INPP4B: variants seen among roughly 807,000 people sequenced by gnomAD.
INPP4B encodes the protein inositol polyphosphate 4-phosphatase type II.
In INPP4B, 55 loss-of-function variants were observed where a neutral mutation model predicts 122.5. The observed-to-expected ratio is 0.45, with a 90% CI of 0.36 to 0.56. The LOEUF (loss-of-function observed/expected upper bound fraction) is 0.56, where lower values mean the gene tolerates loss of function less well. Among genes scored for constraint, INPP4B ranks in the 20% least tolerant of loss-of-function variants. The pLI, the probability that INPP4B is intolerant of heterozygous loss-of-function variation, is 0.00. For synonymous variants in INPP4B, 403 were observed against 388.7 expected, an observed-to-expected ratio of 1.04 and a Z score of -0.43; for missense variants, 1,000 against 1,097.7, an observed-to-expected ratio of 0.91 and a Z score of 1.26.
At chr4:142,105,905 T>C (rs1259348859) in intron 23 of INPP4B, among the ~76,000 whole-genome samples, 1 of 152,208 alleles carries the variant, frequency 6.6e-6, no homozygotes, top group African/African-American at 2.4e-5. Context: ...GCCTAACCTC[T>C]ACTCATACTC....
intron 5 of INPP4B, among the ~76,000 whole-genome samples, chr4:142,412,583 CACT>C (rs1273150086): frequency 6.6e-6 from 1 of 152,198 alleles, no homozygotes. Context: ...ATACTCTCTT[CACT>C]ACTATCTGTT....
chr4:142,106,255 T>C (rs1787041598), intron 23 of INPP4B, among the ~76,000 whole-genome samples: 1 of 152,230 alleles, frequency 6.6e-6, no homozygotes, highest in Non-Finnish European at 1.5e-5. Flanking sequence ...TTATATTTAA[T>C]TGGCAATATA....
intron 17 of INPP4B, among the ~76,000 whole-genome samples, chr4:142,149,904 G>A (rs1812877410): frequency 6.6e-6 from 1 of 152,184 alleles, no homozygotes. Context: ...AGATAACAAG[G>A]AGGAAAGATG....
chr4:142,705,880 A>G (rs1762414007), intron 2 of INPP4B, among the ~76,000 whole-genome samples: 1 of 152,226 alleles, frequency 6.6e-6, no homozygotes, highest in South Asian at 2.1e-4. Context: ...ACTCCTTGGT[A>G]TCTATTCTCC....
At chr4:142,542,467 C>G (rs1829048695) in intron 2 of INPP4B, among the ~76,000 whole-genome samples, 1 of 152,130 alleles carries the variant, frequency 6.6e-6, no homozygotes, top group Non-Finnish European at 1.5e-5. Flanking sequence ...TTGAGAAAAA[C>G]TAGCAAATTT....
chr4:142,052,808 A>G (rs1755399064), intron 25 of INPP4B, among the ~76,000 whole-genome samples: 1 of 152,052 alleles, frequency 6.6e-6, no homozygotes, highest in African/African-American at 2.4e-5. Context: ...CAATTGGCCT[A>G]GGTACTCTCT....
rs1158369728 is a variant in INPP4B at position 142,188,498 on chromosome 4, AAAAAAAAAAAAAG to A, written c.1181+4576_1181+4588del. On this transcript the variant is annotated intron_variant, in intron 15 of 25. Transcript: ENST00000262992. ...TGAGACTCCATCTCAAAAAAAAAAAAAAAAAAAAAAAAGAAAAAAAATATATATAGCTTGACTT... is the reference window on the plus strand; with the variant it reads ...TGAGACTCCATCTCAAAAAAAAAAAAAAAAAAAATATATATAGCTTGACTT... Among the ~76,000 whole-genome samples the A allele has an allele frequency of 1.5e-4, 18 of 117,440 alleles. No homozygotes were observed. In the South Asian group the frequency reaches 1.7e-3, roughly 11 times the overall value. The allele number at this position is 117,440 out of a possible 152,430, so 77.0% of individuals were successfully genotyped here. A position where few individuals can be genotyped will look rare whatever the true frequency, so the allele number is the denominator to read the frequency against.
chr4:142,487,602 C>A (rs1315657698), intron 2 of INPP4B, among the ~76,000 whole-genome samples: 1 of 151,986 alleles, frequency 6.6e-6, no homozygotes, highest in African/African-American at 2.4e-5. Flanking sequence ...AAATAAAAAT[C>A]TTAAATTCTC....
intron 5 of INPP4B, among the ~76,000 whole-genome samples, chr4:142,410,601 T>C (rs1180682884): frequency 2.6e-5 from 4 of 152,290 alleles, no homozygotes; most frequent in South Asian, 4.1e-4. Context: ...CCATAGTGTA[T>C]GGAGGATAAA....
At chr4:142,715,965 C>T (rs1261855500) in intron 2 of INPP4B, among the ~76,000 whole-genome samples, 1 of 152,204 alleles carries the variant, frequency 6.6e-6, no homozygotes, top group East Asian at 1.9e-4. Flanking sequence ...CAAATGGTTA[C>T]TCCATTAGGC....
At chr4:142,318,311 G>T (rs375052278) in intron 7 of INPP4B, among the ~76,000 whole-genome samples, 3 of 152,044 alleles carry the variant, frequency 2.0e-5, no homozygotes, top group Middle Eastern at 3.2e-3. Flanking sequence ...CATGAGACAG[G>T]GAGGAAGAGA....
At chr4:142,230,571 G>A (rs1404307346) in intron 12 of INPP4B, among the ~76,000 whole-genome samples, 2 of 145,104 alleles carry the variant, frequency 1.4e-5, no homozygotes, top group African/African-American at 5.1e-5. Context: ...TTGAACCCAG[G>A]AGGCGAGGTT....
chr4:142,494,827 T>C (rs1822323540), intron 2 of INPP4B, among the ~76,000 whole-genome samples: 1 of 152,142 alleles, frequency 6.6e-6, no homozygotes, highest in Non-Finnish European at 1.5e-5. Flanking sequence ...GTCTTTGCTC[T>C]ACCTCCTCAA....
At chr4:142,305,910 A>G (rs1763177143) in intron 8 of INPP4B, 2 of 1,033,662 alleles carry the variant, frequency 1.9e-6, no homozygotes, top group Non-Finnish European at 2.3e-6. Flanking sequence ...GAATTCCTCA[A>G]ATCACTGGCA....
At chr4:142,296,868 C>T (rs1453155732) in intron 9 of INPP4B, among the ~76,000 whole-genome samples, 1 of 152,192 alleles carries the variant, frequency 6.6e-6, no homozygotes, top group African/African-American at 2.4e-5. Flanking sequence ...TTCAGGAAAT[C>T]GTGTCCCTAA....
At chr4:142,152,069 T>C (rs908708169) in intron 17 of INPP4B, among the ~76,000 whole-genome samples, 2 of 2,740 alleles carry the variant, frequency 7.3e-4, no homozygotes, top group Non-Finnish European at 5.8e-3. Context: ...GTCTTTTCTT[T>C]TTTTTTTTTT....
chr4:142,549,092 G>A (rs545409442), intron 2 of INPP4B, among the ~76,000 whole-genome samples: 260 of 152,088 alleles, frequency 1.7e-3, no homozygotes, highest in Middle Eastern at 6.8e-3. Flanking sequence ...TTAATTAAGC[G>A]GACACAACAG....
intron 1 of INPP4B, among the ~76,000 whole-genome samples, chr4:142,751,642 A>C (rs972138031): frequency 2.6e-5 from 4 of 152,226 alleles, no homozygotes; most frequent in Non-Finnish European, 5.9e-5. Flanking sequence ...CTATTCAATA[A>C]GGCTGTCTTC....
chr4:142,623,258 G>A (rs1745381976), intron 2 of INPP4B, among the ~76,000 whole-genome samples: 1 of 151,842 alleles, frequency 6.6e-6, no homozygotes, highest in Non-Finnish European at 1.5e-5. Context: ...AGGACTACTG[G>A]AATCTCCCTA....
Sources: gnomAD v4.1 joint callset for allele counts (sites outside exome capture counted in the v4.1 genomes callset) on GRCh38, gnomAD v4.1.1 for gene constraint, MANE v1.5 for transcripts, NCBI Gene and HGNC (gene_info 2026-07-23, HGNC 2026-07-21) for gene names.